Variants in CDHR1 observed in about 807,000 individuals in gnomAD.
The protein encoded by CDHR1 is cadherin related family member 1, also known as cadherin-related family member 1.
A neutral mutation model predicts 72.1 loss-of-function variants in CDHR1; 61 were observed. The ratio of observed to expected loss-of-function variants is 0.85; its 90% confidence interval spans 0.69 to 1.05. CDHR1 has a LOEUF of 1.05. Among genes scored for constraint, CDHR1 ranks in the 50% least tolerant of loss-of-function variants. The pLI, the probability that CDHR1 is intolerant of heterozygous loss-of-function variation, is 0.00. For synonymous variants in CDHR1, 470 were observed against 448.1 expected, an observed-to-expected ratio of 1.05 and a Z score of -0.62; for missense variants, 1,186 against 1,115.7, an observed-to-expected ratio of 1.06 and a Z score of -0.90.
intron 5 of CDHR1, among the ~76,000 whole-genome samples, chr10:84,199,908 C>T (rs536269151): frequency 6.6e-6 from 1 of 152,186 alleles, no homozygotes; most frequent in Non-Finnish European, 1.5e-5. Context: ...CACGGTGGCT[C>T]ACACCTGTAA....
At chr10:84,199,437 G>T (rs1457000939) in intron 5 of CDHR1, among the ~76,000 whole-genome samples, 3 of 152,100 alleles carry the variant, frequency 2.0e-5, no homozygotes, top group African/African-American at 7.2e-5. Context: ...TCATTATAGA[G>T]TTTTGTTTTG....
intron 6 of CDHR1, among the ~76,000 whole-genome samples, chr10:84,201,117 C>T (rs982233238): frequency 1.3e-5 from 2 of 152,238 alleles, no homozygotes; most frequent in African/African-American, 4.8e-5. Flanking sequence ...AAACCCCACC[C>T]CTCACCACTC....
At chr10:84,219,549 C>T (rs1042579844), downstream of CDHR1, 41 of 403,088 alleles carry the variant, frequency 1.0e-4, no homozygotes, top group African/African-American at 8.2e-5. Context: ...CCTCAAGATC[C>T]GTAGACCACT....
rs1842337832 is a variant in CDHR1 at position 84,211,828 on chromosome 10, T to A, written c.1553+113T>A. The A allele has an allele frequency of 9.7e-6, 9 of 930,594 alleles. No homozygotes were observed. In the Admixed American group the frequency reaches 1.4e-4, roughly 15 times the overall value. 57.6% of individuals were successfully genotyped at this position (930,594 alleles called of 1,614,324 possible). On this transcript the variant is annotated intron_variant, in intron 14 of 16. Transcript: ENST00000623527. ...GGCCTGGGAGGGACAGGAGCCTGGG[T>A]GAAGAGAAGTGGAGAGAGGCAGTGG... is the stretch of plus-strand genomic sequence containing the variant.
rs890900849 is a variant in CDHR1, at chr10:84,218,537, C to T, written c.*3916C>T. ...GGAAAGAAGAAAAGAAAAAGAACAA[C>T]ATTCCTCTCTTTAATTGCTAATCGC... On this transcript the variant is annotated 3_prime_UTR_variant, in exon 17 of 17. Coordinates refer to ENST00000623527, the MANE Select transcript of CDHR1 (RefSeq NM_033100.4). 7.1e-6 allele frequency: 7 copies of T among 985,398 alleles called. No individual in the cohort carries two copies. Among genetic ancestry groups the T allele is most frequent in the Non-Finnish European group, 4.8e-6 (4 of 829,912 alleles). 61.0% of individuals were successfully genotyped at this position (985,398 alleles called of 1,614,324 possible). A position where few individuals can be genotyped will look rare whatever the true frequency, so the allele number is the denominator to read the frequency against.
chr10:84,208,281 C>A lies in CDHR1; in HGVS notation c.1071C>A (p.Ser357Arg). Residue 357 changes from serine to arginine, a missense_variant, in exon 11 of 17, where the codon AGC (serine) becomes AGA (arginine). Physicochemically the swap from Ser to Arg is moderately radical, Grantham distance 110 (BLOSUM62 -1). Transcript: ENST00000623527. Reference sequence around the variant, plus strand: ...ACCCGCCAACATTCTATGGAGAGAGCGGACCCCAAAACAGGTTTGAGCTGT... The same window carrying A: ...ACCCGCCAACATTCTATGGAGAGAGAGGACCCCAAAACAGGTTTGAGCTGT... The part of the protein sequence containing the change: ...NNHPPTFYGE[S>R]GPQNRFELSM... 5 of 1,614,146 alleles carry A rather than the reference C, an allele frequency of 3.1e-6. No homozygotes were observed. The highest frequency in any genetic ancestry group is 4.2e-6 in the Non-Finnish European group (5 of 1,180,018).
chr10:84,200,218 C>A (rs1488828667), intron 5 of CDHR1, among the ~76,000 whole-genome samples: 1 of 151,978 alleles, frequency 6.6e-6, no homozygotes, highest in Non-Finnish European at 1.5e-5. Flanking sequence ...AAAGATGTCT[C>A]ATTCTTGCTC....
At chr10:84,201,069 C>T (rs1253150820) in intron 6 of CDHR1, among the ~76,000 whole-genome samples, 2 of 152,220 alleles carry the variant, frequency 1.3e-5, no homozygotes, top group Non-Finnish European at 2.9e-5. Context: ...CCTAACAACA[C>T]AGGCCCAGAA....
chr10:84,215,127 G>A lies in CDHR1; in HGVS notation c.*506G>A. ...CAGGCTGGAGGTCAGCGAACCTCGT[G>A]GGCTGTAGGAAAGCAAATGTAGGTA... On this transcript the variant is annotated 3_prime_UTR_variant, in exon 17 of 17. Coordinates refer to ENST00000623527, the MANE Select transcript of CDHR1 (RefSeq NM_033100.4). 9.8e-7 allele frequency: 1 copy of A among 1,020,734 alleles called. No individual in the cohort carries two copies. The allele number at this position is 1,020,734 out of a possible 1,614,324, so 63.2% of individuals were successfully genotyped here.
chr10:84,196,475 T>G, intron 2 of CDHR1, 30 bp from the exon 3 acceptor site: 1 of 1,613,972 alleles, frequency 6.2e-7, no homozygotes, highest in African/African-American at 1.3e-5. Context: ...GGTCTCAGAT[T>G]CTATGTCTCT....
rs1842424760 is a variant in CDHR1 at position 84,216,252 on chromosome 10, T to G, written c.*1631T>G. 1 of 985,432 alleles carries G rather than the reference T, an allele frequency of 1.0e-6. No homozygotes were observed. The highest frequency in any genetic ancestry group is 1.2e-6 in the Non-Finnish European group (1 of 830,012). The allele number at this position is 985,432 out of a possible 1,614,324, so 61.0% of individuals were successfully genotyped here. A position where few individuals can be genotyped will look rare whatever the true frequency, so the allele number is the denominator to read the frequency against. ...TGTATGCATTTGTGGCTTTCCTGAT[T>G]TCTGAGTCTGTGTTTGGAGGTGTTA... On this transcript the variant is annotated 3_prime_UTR_variant, in exon 17 of 17. Coordinates refer to ENST00000623527, the MANE Select transcript of CDHR1 (RefSeq NM_033100.4).
At chr10:84,205,690 C>G (rs970368730) in intron 9 of CDHR1, 137 bp from the exon 10 acceptor site, 41 of 707,552 alleles carry the variant, frequency 5.8e-5, no homozygotes, top group Non-Finnish European at 1.1e-4. Context: ...AGACTGTTTC[C>G]ATGTTGACAA....
chr10:84,211,998 T>C (rs920988109), intron 14 of CDHR1, among the ~76,000 whole-genome samples, 181 bp from the exon 15 acceptor site: 1 of 151,880 alleles, frequency 6.6e-6, no homozygotes, highest in East Asian at 1.9e-4. Flanking sequence ...GATGGGTGAG[T>C]CCACATGTGG....
chr10:84,197,609 G>A (rs1481022162), intron 3 of CDHR1, among the ~76,000 whole-genome samples, 177 bp from the exon 4 acceptor site: 1 of 152,140 alleles, frequency 6.6e-6, no homozygotes, highest in Non-Finnish European at 1.5e-5. Context: ...CATGGGGGGA[G>A]GCAGCTTTCT....
chr10:84,213,389 C>A (rs758327716), intron 16 of CDHR1, 41 bp downstream of exon 16: 21 of 1,613,268 alleles, frequency 1.3e-5, no homozygotes, highest in Non-Finnish European at 1.7e-5. Context: ...GGTCAGCAGG[C>A]CAGCTCAGAC....
Position 84,218,328 on chromosome 10 carries a change from G to C in CDHR1, c.*3707G>C, listed in dbSNP as rs1842459047. ...AGCAGAGTAGCAACAGGCTGATGTT[G>C]GGGACATCGGTTTGATGTTATAAAA... On this transcript the variant is annotated 3_prime_UTR_variant, in exon 17 of 17. Transcript: ENST00000623527. 3.0e-6 allele frequency: 3 copies of C among 985,412 alleles called. No individual in the cohort carries two copies. The highest frequency in any genetic ancestry group is 2.4e-6 in the Non-Finnish European group (2 of 829,932). 61.0% of individuals were successfully genotyped at this position (985,412 alleles called of 1,614,324 possible). A position where few individuals can be genotyped will look rare whatever the true frequency, so the allele number is the denominator to read the frequency against.
rs1491517353 is a variant in CDHR1 at position 84,205,513 on chromosome 10, TTC to T, written c.863-313_863-312del. ...GTCCTCCTGCTTCCTTTCTCTTTTC[TTC>T]ACACACACACACACACACACACACA... On this transcript the variant is annotated intron_variant, in intron 9 of 16. Transcript: ENST00000623527. Among the ~76,000 whole-genome samples, 125 of 73,574 alleles carry T rather than the reference TTC, an allele frequency of 1.7e-3. 1 individual carries two copies. Among genetic ancestry groups the T allele is most frequent in the African/African-American group, 8.7e-3 (120 of 13,808 alleles). 48.3% of individuals were successfully genotyped at this position (73,574 alleles called of 152,430 possible). A position where few individuals can be genotyped will look rare whatever the true frequency, so the allele number is the denominator to read the frequency against.
chr10:84,217,584 G>C lies in CDHR1; in HGVS notation c.*2963G>C, dbSNP rs1842445206. ...GAGAGGATGAAAAGATCTAATATAT[G>C]TAAAGTGCCTAGCACCGGCTTTGTA... On this transcript the variant is annotated 3_prime_UTR_variant, in exon 17 of 17. Coordinates refer to ENST00000623527, the MANE Select transcript of CDHR1 (RefSeq NM_033100.4). 1.0e-6 allele frequency: 1 copy of C among 985,192 alleles called. No individual in the cohort carries two copies. The highest frequency in any genetic ancestry group is 1.7e-5 in the African/African-American group (1 of 57,204). 61.0% of individuals were successfully genotyped at this position (985,192 alleles called of 1,614,324 possible).
intron 7 of CDHR1, among the ~76,000 whole-genome samples, chr10:84,202,122 A>G (rs1367417233): frequency 1.3e-5 from 2 of 152,146 alleles, no homozygotes; most frequent in African/African-American, 4.8e-5. Flanking sequence ...GGGAGGGCAT[A>G]TGCCTCCTCG....
Sources: allele counts gnomAD v4.1 joint callset (sites outside exome capture counted in the v4.1 genomes callset), GRCh38; gene constraint gnomAD v4.1.1; transcripts MANE v1.5; gene names NCBI Gene and HGNC (gene_info 2026-07-23, HGNC 2026-07-21).